The following MCMBP variants were observed in gnomAD, a reference collection of about 807,000 sequenced individuals.
MCMBP encodes the protein minichromosome maintenance complex binding protein.
In MCMBP, 31 loss-of-function variants were observed where a neutral mutation model predicts 81.3. The observed-to-expected ratio is 0.38, with a 90% confidence interval of 0.29 to 0.51. MCMBP has a LOEUF of 0.51. Ranked by LOEUF, MCMBP falls within the 20% of genes least tolerant of loss-of-function variation. The pLI is 0.87. For missense variants in MCMBP, 645 were observed against 772.1 expected (o/e 0.84, Z 1.95); for synonymous variants, 267 against 275.9 (o/e 0.97, Z 0.32).
Position 119,836,958 on chromosome 10 carries a change from G to A in MCMBP, c.1480C>T (p.Gln494Ter). 6.2e-7 allele frequency: 1 copy of A among 1,613,790 alleles called. No homozygotes were observed. The highest frequency in any genetic ancestry group is 8.5e-7 in the Non-Finnish European group (1 of 1,179,838). The change falls in exon 13 of 16, where the codon CAG (glutamine) becomes TAG (stop). Residue 494 changes from glutamine to a stop codon, truncating the protein, a stop_gained. Transcript: ENST00000369077. LOFTEE classifies it high-confidence loss of function. The stretch of plus-strand genomic sequence containing the variant: ...TTAATATTGCAGGGGAATTCCATCT[G>A]ATGGTAGCTGAAGTCATAATCCACC... The part of the protein sequence containing the change: ...QKVDYDFSYH[Q>*]MEFPCNINVF...
At chr10:119,836,794 T>C in intron 13 of MCMBP, 102 bp downstream of exon 13, 1 of 347,138 alleles carries the variant, frequency 2.9e-6, no homozygotes, top group Non-Finnish European at 4.9e-6. Context: ...TTTTTTTTTT[T>C]ACAACAAATG....
At chr10:119,836,757 G>GTTTTTTTTTTTTTTT (rs199759464) in intron 13 of MCMBP, 139 bp downstream of exon 13, 3 of 288,160 alleles carry the variant, frequency 1.0e-5, no homozygotes, top group African/African-American at 6.5e-5. Context: ...AGCAGTCACA[G>GTTTTTTTTTTTTTTT]TTTTTTTTTT....
chr10:119,846,550 G>T (rs1189347087), intron 8 of MCMBP, among the ~76,000 whole-genome samples: 1 of 152,188 alleles, frequency 6.6e-6, no homozygotes, highest in Non-Finnish European at 1.5e-5. Flanking sequence ...AGTGAGAAAT[G>T]TAACTTTACA....
At chr10:119,868,288 T>C (rs1853543286) in intron 1 of MCMBP, among the ~76,000 whole-genome samples, 1 of 152,102 alleles carries the variant, frequency 6.6e-6, no homozygotes, top group Non-Finnish European at 1.5e-5. Context: ...TAGCCAGGCA[T>C]GGTGGTGCAC....
chr10:119,838,744 T>A (rs765617004), intron 11 of MCMBP, 44 bp from the exon 12 acceptor site: 10 of 1,529,746 alleles, frequency 6.5e-6, no homozygotes, highest in Non-Finnish European at 8.0e-6. Flanking sequence ...TAAGTTTCCC[T>A]GTTTTAAGAA....
At chr10:119,845,936 A>G (rs1379096369) in intron 8 of MCMBP, among the ~76,000 whole-genome samples, 1 of 152,244 alleles carries the variant, frequency 6.6e-6, no homozygotes, top group Non-Finnish European at 1.5e-5. Flanking sequence ...GGAATCAGAA[A>G]TATGAACCCA....
intron 14 of MCMBP, among the ~76,000 whole-genome samples, chr10:119,833,492 G>GA (rs1200623402): frequency 1.5e-4 from 23 of 149,258 alleles, no homozygotes; most frequent in Admixed American, 1.2e-3. Context: ...AAAAAAGAAA[G>GA]AAAAAAAAAG....
chr10:119,866,605 AAC>A (rs1431413812), intron 1 of MCMBP, among the ~76,000 whole-genome samples: 3 of 151,712 alleles, frequency 2.0e-5, no homozygotes, highest in East Asian at 1.9e-4. Context: ...CAGCCTGGGC[AAC>A]AGAGTGAGAC....
At chr10:119,864,428 A>G (rs1030667167) in intron 1 of MCMBP, among the ~76,000 whole-genome samples, 42 of 151,898 alleles carry the variant, frequency 2.8e-4, no homozygotes, top group Non-Finnish European at 5.9e-5. Flanking sequence ...TGTTTGTATT[A>G]TCCTTTTCAT....
chr10:119,843,894 T>G (rs1481209253), intron 8 of MCMBP, among the ~76,000 whole-genome samples: 1 of 152,138 alleles, frequency 6.6e-6, no homozygotes, highest in Non-Finnish European at 1.5e-5. Flanking sequence ...ACTCCTGACC[T>G]CAAGTGATCT....
chr10:119,832,624 A>C (rs886319249), intron 14 of MCMBP, among the ~76,000 whole-genome samples: 1 of 151,980 alleles, frequency 6.6e-6, no homozygotes, highest in Non-Finnish European at 1.5e-5. Flanking sequence ...CCGGAGAGAG[A>C]ACAGGGCTAG....
In MCMBP at chr10:119,858,867, A is replaced by G. The variant is rs1853143067; in HGVS notation, c.327+17T>C. The stretch of plus-strand genomic sequence containing the variant: ...AATTCTTACTAAAAATGTTTCATAT[A>G]TATTAAAGATACATACCCCACACTC... On this transcript the variant is annotated intron_variant, in intron 4 of 15. Transcript: ENST00000369077. The G allele has an allele frequency of 1.9e-6, 3 of 1,563,740 alleles. No homozygotes were observed. Among genetic ancestry groups the G allele is most frequent in the South Asian group, 2.3e-5 (2 of 85,420 alleles).
intron 10 of MCMBP, 69 bp from the exon 11 acceptor site, chr10:119,841,029 A>G (rs1425206537): frequency 1.1e-6 from 1 of 914,272 alleles, no homozygotes. Flanking sequence ...ATAGCGAAGA[A>G]TAGAAAAATT....
At position 119,838,670 on chromosome 10, in the gene MCMBP, T is replaced by A. The variant is rs778463526; in HGVS notation, c.1273A>T (p.Met425Leu). The change falls in exon 12 of 16, where the codon ATG becomes TTG. Residue 425 changes from methionine to leucine, a missense_variant. Physicochemically the swap from Met to Leu is conservative, Grantham distance 15. Transcript: ENST00000369077. Reference sequence around the variant, plus strand: ...TGGGGAATGAATTTCAAATGGTTCATGTTCTCTATAGTCATCTGCAGACGA... The same window carrying A: ...TGGGGAATGAATTTCAAATGGTTCAAGTTCTCTATAGTCATCTGCAGACGA... ...SFRLQMTIEN[M>L]NHLKFIPHKD... 4 of 1,613,916 alleles carry A rather than the reference T, an allele frequency of 2.5e-6. No homozygotes were observed. In the African/African-American group the frequency reaches 5.3e-5, roughly 22 times the overall value.
chr10:119,872,810 C>G lies in MCMBP; in HGVS notation c.-226G>C, dbSNP rs923250520. Reference sequence around the variant, plus strand: ...GAGCTGCTGGCGACAGTCAGGCGGGCGCGTACGGGCCCCTAGCCTTCACTT... The same window carrying G: ...GAGCTGCTGGCGACAGTCAGGCGGGGGCGTACGGGCCCCTAGCCTTCACTT... On this transcript the variant is annotated 5_prime_UTR_variant, in exon 1 of 16. Coordinates refer to ENST00000369077, the MANE Select transcript of MCMBP (RefSeq NM_001256378.2). 1.2e-5 allele frequency: 2 copies of G among 168,984 alleles called. No homozygotes were observed. The highest frequency in any genetic ancestry group is 4.0e-4 in the South Asian group (2 of 5,006). 10.5% of individuals were successfully genotyped at this position (168,984 alleles called of 1,614,324 possible).
chr10:119,871,592 T>C (rs1449832903), intron 1 of MCMBP, among the ~76,000 whole-genome samples: 3 of 152,220 alleles, frequency 2.0e-5, no homozygotes, highest in African/African-American at 7.2e-5. Context: ...CTGCTGAGGA[T>C]GATTTAGCTT....
intron 8 of MCMBP, among the ~76,000 whole-genome samples, chr10:119,844,170 C>G (rs1241905844): frequency 6.6e-6 from 1 of 152,122 alleles, no homozygotes; most frequent in Non-Finnish European, 1.5e-5. Context: ...TCTTATCTTG[C>G]TAATTGTTTT....
At chr10:119,848,402 A>C (rs1852693419) in intron 7 of MCMBP, among the ~76,000 whole-genome samples, 1 of 152,168 alleles carries the variant, frequency 6.6e-6, no homozygotes, top group South Asian at 2.1e-4. Context: ...ACTTGAGGTC[A>C]GGAGTTCGAG....
chr10:119,840,516 C>T (rs1194588134), intron 11 of MCMBP, among the ~76,000 whole-genome samples: 2 of 152,148 alleles, frequency 1.3e-5, no homozygotes, highest in Admixed American at 6.5e-5. Flanking sequence ...TATGCTCCTA[C>T]AATTTAGAGT....
Sources: allele counts gnomAD v4.1 joint callset (sites outside exome capture counted in the v4.1 genomes callset), GRCh38; gene constraint gnomAD v4.1.1; transcripts MANE v1.5; gene names NCBI Gene and HGNC (gene_info 2026-07-23, HGNC 2026-07-21).